WDR20: variants seen among roughly 807,000 people sequenced by gnomAD.
WDR20 encodes the protein WD repeat-containing protein 20.
In WDR20, 3 loss-of-function variants were observed where a neutral mutation model predicts 38.7. The ratio of observed to expected loss-of-function variants is 0.08; its 90% CI spans 0.04 to 0.20. The LOEUF (loss-of-function observed/expected upper bound fraction) is 0.20. WDR20 is among the 10% of genes least tolerant of loss of function. The pLI is 1.00. For synonymous variants in WDR20, 298 were observed against 285.6 expected (o/e 1.04, Z -0.44); for missense variants, 559 against 727.7 (o/e 0.77, Z 2.67).
intron 1 of WDR20, among the ~76,000 whole-genome samples, chr14:102,170,598 G>A (rs902400865): frequency 1.3e-5 from 2 of 151,524 alleles, no homozygotes; most frequent in Non-Finnish European, 2.9e-5. Context: ...TCCTGAACCC[G>A]CTTTTCTACT....
chr14:102,151,473 G>A (rs1434196256), intron 1 of WDR20, among the ~76,000 whole-genome samples: 1 of 151,986 alleles, frequency 6.6e-6, no homozygotes, highest in Non-Finnish European at 1.5e-5. Context: ...ATAGCTCACT[G>A]CAGCCTTGAA....
chr14:102,213,114 G>T (rs2062765897), downstream of WDR20: 3 of 986,142 alleles, frequency 3.0e-6, no homozygotes, highest in Non-Finnish European at 3.6e-6. Context: ...GCCCTCCTTG[G>T]GTTGGCCTTT....
Position 102,209,457 on chromosome 14 carries a change from G to A in WDR20, c.1287G>A (p.Leu429=). 6.2e-7 allele frequency: 1 copy of A among 1,614,172 alleles called. No individual in the cohort carries two copies. The highest frequency in any genetic ancestry group is 8.5e-7 in the Non-Finnish European group (1 of 1,180,036). The part of the protein sequence containing the change: ...TTPGNSVPPP[L]PRSNSLPHSA... ...CCGGGAACTCTGTGCCGCCTCCTCT[G>A]CCACGGTCCAACAGCCTTCCACATT... Residue 429 remains leucine, a synonymous_variant, in exon 3 of 3, where the codon CTG becomes CTA. Coordinates refer to ENST00000342702, the MANE Select transcript of WDR20 (RefSeq NM_144574.4). The surrounding 1 kb of genome is among the most constrained non-coding windows in gnomAD (Gnocchi z 6.0).
At chr14:102,151,173 ATTTTTTTTTTT>A (rs534503694) in intron 1 of WDR20, among the ~76,000 whole-genome samples, 7 of 111,544 alleles carry the variant, frequency 6.3e-5, no homozygotes, top group Non-Finnish European at 1.0e-4. Flanking sequence ...CCATTGGGGA[ATTTTTTTTTTT>A]TTTTTTTTTT....
At chr14:102,158,986 A>G (rs868199616) in intron 1 of WDR20, among the ~76,000 whole-genome samples, 2 of 151,802 alleles carry the variant, frequency 1.3e-5, no homozygotes, top group African/African-American at 2.4e-5. Context: ...TCAGTCACCC[A>G]GACTGTAGTG....
chr14:102,157,925 G>A (rs1362969298), intron 1 of WDR20, among the ~76,000 whole-genome samples: 1 of 152,016 alleles, frequency 6.6e-6, no homozygotes, highest in Non-Finnish European at 1.5e-5. Context: ...TAGTTCCAAA[G>A]TAATGTACTA....
intron 1 of WDR20, among the ~76,000 whole-genome samples, chr14:102,165,862 A>C (rs900543515): frequency 5.4e-5 from 8 of 149,358 alleles, no homozygotes; most frequent in Non-Finnish European, 8.9e-5. Context: ...CTGGTCTCCA[A>C]CTCCTGGGCT....
In WDR20 at chr14:102,209,939, G is replaced by A. The variant is rs2062219167; in HGVS notation, c.*59G>A. On this transcript the variant is annotated 3_prime_UTR_variant, in exon 3 of 3. Coordinates refer to ENST00000342702, the MANE Select transcript of WDR20 (RefSeq NM_144574.4). The surrounding 1 kb of genome is among the most constrained non-coding windows in gnomAD (Gnocchi z 6.0). Reference sequence around the variant, plus strand: ...GACTTTTTTCTTTTTCGTGGGAGGGGTGGGGTGTACAATGAATGTGAATGA... The same window carrying A: ...GACTTTTTTCTTTTTCGTGGGAGGGATGGGGTGTACAATGAATGTGAATGA... The A allele has an allele frequency of 9.9e-6, 15 of 1,522,286 alleles. No individual in the cohort carries two copies. Among genetic ancestry groups the A allele is most frequent in the Non-Finnish European group, 1.3e-5 (15 of 1,142,064 alleles). The allele number at this position is 1,522,286 out of a possible 1,614,324, so 94.3% of individuals were successfully genotyped here. A position where few individuals can be genotyped will look rare whatever the true frequency, so the allele number is the denominator to read the frequency against.
At chr14:102,146,618 G>T (rs567137895) in intron 1 of WDR20, among the ~76,000 whole-genome samples, 1 of 152,246 alleles carries the variant, frequency 6.6e-6, no homozygotes, top group South Asian at 2.1e-4. Context: ...GCTCATATGG[G>T]AAATGTTCTG....
rs185390327 is a variant in WDR20, at chr14:102,145,117, T to G, written c.249+4945T>G. Among the ~76,000 whole-genome samples, 242 of 152,318 alleles carry G rather than the reference T, an allele frequency of 1.6e-3. 3 individuals carry two copies. Among genetic ancestry groups the G allele is most frequent in the Non-Finnish European group, 2.5e-4 (17 of 68,036 alleles). On this transcript the variant is annotated intron_variant, in intron 1 of 2. Transcript: ENST00000342702. The stretch of plus-strand genomic sequence containing the variant: ...ACATTATCTTTCCTGCTCTCCATCT[T>G]CTCAATGCACAGTGCAGTGTCCAGT...
At chr14:102,183,954 T>C (rs1264644326) in intron 1 of WDR20, among the ~76,000 whole-genome samples, 2 of 152,208 alleles carry the variant, frequency 1.3e-5, no homozygotes, top group African/African-American at 4.8e-5. Context: ...ATTCTATCTT[T>C]AAAAAACATT....
At chr14:102,153,073 T>C (rs2056446091) in intron 1 of WDR20, among the ~76,000 whole-genome samples, 1 of 152,132 alleles carries the variant, frequency 6.6e-6, no homozygotes, top group Non-Finnish European at 1.5e-5. Flanking sequence ...ACCATCTACT[T>C]GGTGCTGCCC....
chr14:102,210,576 CCTCA>C (rs969159703), downstream of WDR20: 7 of 984,268 alleles, frequency 7.1e-6, no homozygotes, highest in African/African-American at 1.2e-4. Flanking sequence ...GATACCCGTA[CCTCA>C]CTCAGAGCCT....
Position 102,221,189 on chromosome 14 carries a change from CTG to C in WDR20, c.1693-1638_1693-1637del, listed in dbSNP as rs1460181642. Reference sequence around the variant, plus strand: ...CACTCCGTGAAAGGGGAGGGAGACTCTGTGGCTGCCAGATGAGGGTGGCCCCT... The same window carrying C: ...CACTCCGTGAAAGGGGAGGGAGACTCTGGCTGCCAGATGAGGGTGGCCCCT... On this transcript the variant is annotated intron_variant, in intron 3 of 3. Coordinates refer to the WDR20 transcript ENST00000335263. This position sits in a 1 kb window ranked among gnomAD's most constrained non-coding sequence, Gnocchi z 4.8. Among the ~76,000 whole-genome samples the C allele has an allele frequency of 3.3e-5, 5 of 152,236 alleles. No individual in the cohort carries two copies. Among genetic ancestry groups the C allele is most frequent in the African/African-American group, 1.2e-4 (5 of 41,458 alleles).
At chr14:102,192,697 C>G (rs1007607061) in intron 1 of WDR20, among the ~76,000 whole-genome samples, 1 of 152,112 alleles carries the variant, frequency 6.6e-6, no homozygotes, top group Non-Finnish European at 1.5e-5. Context: ...AGAAACATTA[C>G]GTATTTTTTA....
intron 1 of WDR20, among the ~76,000 whole-genome samples, chr14:102,151,268 G>C (rs567170139): frequency 1.1e-4 from 16 of 147,236 alleles, no homozygotes; most frequent in Non-Finnish European, 2.1e-4. Context: ...TTAAACCCAA[G>C]GCCTGTGCCT....
intron 1 of WDR20, chr14:102,193,589 C>T (rs553785888): frequency 7.6e-6 from 11 of 1,454,230 alleles, no homozygotes; most frequent in East Asian, 4.7e-5. Flanking sequence ...TACTTGTTAC[C>T]GCTCAGGTCC....
intron 1 of WDR20, among the ~76,000 whole-genome samples, chr14:102,148,752 G>T (rs2152706756): frequency 1.3e-5 from 2 of 149,488 alleles, no homozygotes. Flanking sequence ...GAGGGCAGTG[G>T]CACAATCATA....
chr14:102,217,633 G>A (rs1183599321), downstream of WDR20, among the ~76,000 whole-genome samples: 1 of 151,366 alleles, frequency 6.6e-6, no homozygotes, highest in African/African-American at 2.4e-5. Context: ...CCGGCTCTGT[G>A]GCTCACGTGC....
Sources: gnomAD v4.1 joint callset for allele counts (sites outside exome capture counted in the v4.1 genomes callset) on GRCh38, gnomAD v4.1.1 for gene constraint, Gnocchi (gnomAD v3.1) non-coding constraint, MANE v1.5 for transcripts, NCBI Gene and HGNC (gene_info 2026-07-23, HGNC 2026-07-21) for gene names.